Variants in VPS26C observed in about 807,000 individuals in gnomAD.
VPS26C encodes vacuolar protein sorting-associated protein 26C.
VPS26C carries 19 observed loss-of-function variants against 30.6 expected under a neutral mutation model. The ratio of observed to expected loss-of-function variants is 0.62; its 90% CI spans 0.43 to 0.91. VPS26C has a LOEUF of 0.91. Ranked by LOEUF, VPS26C falls within the 40% of genes least tolerant of loss-of-function variation. The probability of loss-of-function intolerance (pLI) is 0.00; values close to 1 mark genes in which losing one functional copy is unlikely to be tolerated. For missense variants in VPS26C, 318 were observed against 385.1 expected, an observed-to-expected ratio of 0.83 and a Z score of 1.46; for synonymous variants, 132 against 151.5, an observed-to-expected ratio of 0.87 and a Z score of 0.95.
intron 1 of VPS26C, among the ~76,000 whole-genome samples, chr21:37,252,899 CA>C (rs567230717): frequency 8.1e-4 from 123 of 152,264 alleles, no homozygotes; most frequent in African/African-American, 2.8e-3. Context: ...GGACTGAAAA[CA>C]GGGGCTACAA....
chr21:37,258,114 C>A (rs952579661), intron 1 of VPS26C, among the ~76,000 whole-genome samples: 1 of 152,282 alleles, frequency 6.6e-6, no homozygotes, highest in South Asian at 2.1e-4. Context: ...GCCGTGAGAT[C>A]TGCCTGCAGC....
At chr21:37,260,840 A>G (rs1228784634) in intron 1 of VPS26C, among the ~76,000 whole-genome samples, 38 of 152,212 alleles carry the variant, frequency 2.5e-4, no homozygotes, top group Admixed American at 2.5e-3. Flanking sequence ...GGCTATGTCA[A>G]AATAAGAATA....
rs143165732 is a variant in VPS26C at position 37,228,256 on chromosome 21, C to T, written c.625G>A (p.Val209Met). Reference protein sequence around the residue: ...VESSEAAIRSVELQLVRVETC... With the variant: ...VESSEAAIRSMELQLVRVETC... ...TCCACGCGCACCAGCTGCAGCTCCA[C>T]GCTTCTGATGGCGGCTTCCGAGCTC... Residue 209 changes from valine (V) to methionine (M), a missense_variant, in exon 6 of 8, where the codon GTG becomes ATG. Val to Met is a conservative substitution (Grantham distance 21). Transcript: ENST00000309117. The T allele has an allele frequency of 1.1e-4, 175 of 1,612,278 alleles. No homozygotes were observed. Among genetic ancestry groups the T allele is most frequent in the Middle Eastern group, 3.3e-4 (2 of 6,030 alleles).
At chr21:37,246,520 T>C (rs2086139288) in intron 1 of VPS26C, among the ~76,000 whole-genome samples, 1 of 151,960 alleles carries the variant, frequency 6.6e-6, no homozygotes, top group South Asian at 2.1e-4. Flanking sequence ...ATCCAAGAGA[T>C]GGCTAGAAAA....
intron 1 of VPS26C, among the ~76,000 whole-genome samples, chr21:37,255,613 T>C (rs1256469355): frequency 6.6e-6 from 1 of 152,138 alleles, no homozygotes; most frequent in Non-Finnish European, 1.5e-5. Flanking sequence ...CAATCTCATG[T>C]TGTCCTTCCC....
intron 1 of VPS26C, among the ~76,000 whole-genome samples, chr21:37,254,388 T>C (rs2086221967): frequency 1.3e-5 from 2 of 152,182 alleles, no homozygotes. Context: ...CCAACCCACT[T>C]TGGGAGGCTA....
intron 1 of VPS26C, among the ~76,000 whole-genome samples, chr21:37,265,795 G>A (rs193098668): frequency 1.3e-5 from 2 of 152,036 alleles, no homozygotes; most frequent in East Asian, 3.9e-4. Context: ...ATCATGCCAA[G>A]GGGTACCGAA....
chr21:37,261,103 A>G (rs149942506), intron 1 of VPS26C: 2 of 152,362 alleles, frequency 1.3e-5, no homozygotes, highest in African/African-American at 4.8e-5. Flanking sequence ...AAATATTTTA[A>G]TTGAGTGGAC....
chr21:37,249,958 G>A (rs1269418416), intron 1 of VPS26C, among the ~76,000 whole-genome samples: 1 of 152,282 alleles, frequency 6.6e-6, no homozygotes, highest in East Asian at 1.9e-4. Context: ...AGGGAAGAGA[G>A]GGAATATTCA....
At chr21:37,262,395 CTA>C (rs2148311822) in intron 1 of VPS26C, among the ~76,000 whole-genome samples, 1 of 152,308 alleles carries the variant, frequency 6.6e-6, no homozygotes, top group East Asian at 1.9e-4. Context: ...CCCCAGATGA[CTA>C]TACCCTACTT....
intron 1 of VPS26C, among the ~76,000 whole-genome samples, chr21:37,248,240 C>T (rs2086156691): frequency 6.8e-6 from 1 of 147,914 alleles, no homozygotes; most frequent in Non-Finnish European, 1.5e-5. Flanking sequence ...TCTCTATACC[C>T]TGAAAACAGA....
intron 5 of VPS26C, among the ~76,000 whole-genome samples, chr21:37,229,822 A>C (rs2085943098): frequency 6.6e-6 from 1 of 152,182 alleles, no homozygotes; most frequent in Admixed American, 6.5e-5. Context: ...GGCAGTCCCC[A>C]AAGGTACAGA....
At chr21:37,227,855 G>A (rs1212659568) in intron 6 of VPS26C, 49 bp from the exon 7 acceptor site, 8 of 1,451,362 alleles carry the variant, frequency 5.5e-6, no homozygotes, top group Non-Finnish European at 6.3e-6. Context: ...AGAGGCTGCG[G>A]GGTCCACATC....
intron 3 of VPS26C, among the ~76,000 whole-genome samples, chr21:37,234,724 C>T (rs1366133833): frequency 1.3e-5 from 2 of 151,942 alleles, no homozygotes; most frequent in South Asian, 2.1e-4. Flanking sequence ...ACAACCTGTC[C>T]GCATGAAATA....
At chr21:37,264,181 T>C (rs181619351) in intron 1 of VPS26C, among the ~76,000 whole-genome samples, 2 of 152,362 alleles carry the variant, frequency 1.3e-5, no homozygotes, top group East Asian at 1.9e-4. Context: ...TAAAAAAACA[T>C]AGCAACCATC....
At chr21:37,227,539 TG>T in intron 7 of VPS26C, 114 bp downstream of exon 7, 3 of 1,229,164 alleles carry the variant, frequency 2.4e-6, no homozygotes, top group Non-Finnish European at 3.5e-6. Flanking sequence ...TGGCAGGCCC[TG>T]GCACTGAGGG....
chr21:37,228,179 C>T, intron 6 of VPS26C, 44 bp downstream of exon 6: 3 of 1,593,450 alleles, frequency 1.9e-6, no homozygotes, highest in Non-Finnish European at 2.6e-6. Flanking sequence ...GGGTGGCAGT[C>T]GAGGGGGACA....
rs1371074635 is a variant in VPS26C at position 37,238,601 on chromosome 21, C to A, written c.210G>T (p.Gln70His). The change falls in exon 3 of 8, where the codon CAG becomes CAT. Residue 70 changes from glutamine to histidine, a missense_variant. Coordinates refer to ENST00000309117, the MANE Select transcript of VPS26C (RefSeq NM_006052.2). ...CCATTTCTATGGTGCTGTTGATAAT[C>A]TGGATAGGCTGTAAACAAAAATCAG... ...EAFYNSVKPI[Q>H]IINSTIEMVK... 5.0e-6 allele frequency: 8 copies of A among 1,614,018 alleles called. No homozygotes were observed. In the Admixed American group the frequency reaches 1.2e-4, roughly 24 times the overall value.
Position 37,226,584 on chromosome 21 carries a change from CAG to C in VPS26C, c.812-960_812-959del, listed in dbSNP as rs1440424700. The C allele has an allele frequency of 6.6e-6, 1 of 152,306 alleles. No homozygotes were observed. The highest frequency in any genetic ancestry group is 1.5e-5 in the Non-Finnish European group (1 of 68,136). 9.4% of individuals were successfully genotyped at this position (152,306 alleles called of 1,614,324 possible). Reference sequence around the variant, plus strand: ...GGGTGGAGGGTGTGGCTGGAGTGGACAGAGAGGGATGCCCAGCAGGCAAGATA... The same window carrying C: ...GGGTGGAGGGTGTGGCTGGAGTGGACAGAGGGATGCCCAGCAGGCAAGATA... On this transcript the variant is annotated intron_variant, in intron 7 of 7. Transcript: ENST00000309117. This position sits in a 1 kb window ranked among gnomAD's most constrained non-coding sequence, Gnocchi z 4.1.
Sources: allele counts gnomAD v4.1 joint callset (sites outside exome capture counted in the v4.1 genomes callset), GRCh38; gene constraint gnomAD v4.1.1; non-coding constraint Gnocchi (gnomAD v3.1); transcripts MANE v1.5; gene names NCBI Gene and HGNC (gene_info 2026-07-23, HGNC 2026-07-21).